ARHGEF37: variants seen among roughly 807,000 people sequenced by gnomAD.
ARHGEF37 encodes Rho guanine nucleotide exchange factor (GEF) 37.
Under a neutral mutation model 71.1 loss-of-function variants are expected in ARHGEF37, and 55 were observed. The ratio of observed to expected loss-of-function variants is 0.77; its 90% CI spans 0.62 to 0.97. The LOEUF is 0.97. Ranked by LOEUF, ARHGEF37 falls within the 50% of genes least tolerant of loss-of-function variation. The pLI, the probability that ARHGEF37 is intolerant of heterozygous loss-of-function variation, is 0.00. For synonymous variants in ARHGEF37, 327 were observed against 350.6 expected, an observed-to-expected ratio of 0.93 and a Z score of 0.75; for missense variants, 765 against 836.8, an observed-to-expected ratio of 0.91 and a Z score of 1.06.
chr5:149,605,763 A>G (rs1480488608), intron 3 of ARHGEF37, among the ~76,000 whole-genome samples: 4 of 152,134 alleles, frequency 2.6e-5, no homozygotes, highest in Non-Finnish European at 4.4e-5. Flanking sequence ...CCTCCATTTT[A>G]CCAAAAACGT....
At chr5:149,589,262 T>C (rs548039741) in intron 1 of ARHGEF37, among the ~76,000 whole-genome samples, 1 of 152,210 alleles carries the variant, frequency 6.6e-6, no homozygotes, top group Non-Finnish European at 1.5e-5. Context: ...GATTAAATAA[T>C]CAGGATGCCC....
At position 149,629,091 on chromosome 5, in the gene ARHGEF37, G is replaced by A. The variant is rs562126527; in HGVS notation, c.1818+125G>A. The stretch of plus-strand genomic sequence containing the variant: ...TGGGGCTGCCACTCTGTGAGACCAA[G>A]GCCTTGATCAATGGCCATGCCAGTG... On this transcript the variant is annotated intron_variant, in intron 12 of 12. Transcript: ENST00000333677. 5 of 1,266,956 alleles carry A rather than the reference G, an allele frequency of 3.9e-6. No homozygotes were observed. The South Asian group carries it at 8.1e-5, about 21-fold the overall frequency. 78.5% of individuals were successfully genotyped at this position (1,266,956 alleles called of 1,614,324 possible). A position where few individuals can be genotyped will look rare whatever the true frequency, so the allele number is the denominator to read the frequency against.
chr5:149,566,605 C>T (rs1762903621), intron 1 of ARHGEF37, among the ~76,000 whole-genome samples: 2 of 151,468 alleles, frequency 1.3e-5, no homozygotes, highest in Admixed American at 6.6e-5. Context: ...ATACCCAGCT[C>T]ACACAAATGA....
Position 149,581,580 on chromosome 5 carries a change from G to T in ARHGEF37, c.-56G>T, listed in dbSNP as rs541643497. ...CCCCGGCTGCGCTGTTGCCCGGGCG[G>T]CCGACCTCCGTGCGTGAGCGCCGGC... is the stretch of plus-strand genomic sequence containing the variant. On this transcript the variant is annotated 5_prime_UTR_variant, in exon 1 of 13. Coordinates refer to ENST00000333677, the MANE Select transcript of ARHGEF37 (RefSeq NM_001001669.3). 6.6e-6 allele frequency: 1 copy of T among 152,230 alleles called. No homozygotes were observed. The highest frequency in any genetic ancestry group is 1.5e-5 in the Non-Finnish European group (1 of 68,020). The allele number at this position is 152,230 out of a possible 1,614,324, so 9.4% of individuals were successfully genotyped here.
chr5:149,598,799 G>A (rs977227676), intron 2 of ARHGEF37, among the ~76,000 whole-genome samples: 1 of 135,280 alleles, frequency 7.4e-6, no homozygotes, highest in Non-Finnish European at 1.6e-5. Context: ...TAGATATATA[G>A]ATATATATAT....
intron 3 of ARHGEF37, among the ~76,000 whole-genome samples, chr5:149,607,745 A>G (rs1490209013): frequency 6.7e-6 from 1 of 148,416 alleles, no homozygotes; most frequent in African/African-American, 2.5e-5. Context: ...GGAGAATTAT[A>G]AAGAAACTTC....
Position 149,618,169 on chromosome 5 carries a change from G to T in ARHGEF37, c.659-7G>T. 6.2e-7 allele frequency: 1 copy of T among 1,614,026 alleles called. No homozygotes were observed. The highest frequency in any genetic ancestry group is 8.5e-7 in the Non-Finnish European group (1 of 1,179,948). ...CACCGTGCTTCCCCTCTTCTCTGTC[G>T]TTGCAGCCTCCAAGTACACCAAGGT... On this transcript the variant is annotated splice_polypyrimidine_tract_variant and splice_region_variant and intron_variant, in intron 5 of 12. Coordinates refer to ENST00000333677, the MANE Select transcript of ARHGEF37 (RefSeq NM_001001669.3).
intron 8 of ARHGEF37, among the ~76,000 whole-genome samples, chr5:149,621,344 G>A (rs1213873882): frequency 6.6e-6 from 1 of 152,046 alleles, no homozygotes; most frequent in African/African-American, 2.4e-5. Flanking sequence ...ATGTGCTAAG[G>A]TGGGAGGATC....
At chr5:149,555,598 A>G (rs1057397691) in intron 1 of ARHGEF37, among the ~76,000 whole-genome samples, 3 of 152,032 alleles carry the variant, frequency 2.0e-5, no homozygotes, top group African/African-American at 7.2e-5. Flanking sequence ...GACAGGCAAG[A>G]ACCACTGTAC....
chr5:149,628,224 G>A (rs1752757794), intron 11 of ARHGEF37, among the ~76,000 whole-genome samples: 2 of 152,154 alleles, frequency 1.3e-5, no homozygotes, highest in South Asian at 2.1e-4. Context: ...GTCTGAGCTC[G>A]GCTGGTTGAA....
intron 1 of ARHGEF37, among the ~76,000 whole-genome samples, chr5:149,582,692 G>A (rs1410855618): frequency 6.6e-6 from 1 of 151,920 alleles, no homozygotes; most frequent in Admixed American, 6.6e-5. Flanking sequence ...TAAAGTGATG[G>A]ATATCCCAAG....
intron 1 of ARHGEF37, among the ~76,000 whole-genome samples, chr5:149,585,941 G>A (rs1763224503): frequency 6.6e-6 from 1 of 152,178 alleles, no homozygotes; most frequent in Admixed American, 6.5e-5. Context: ...AACTCCAGTT[G>A]CAACAATGTC....
At chr5:149,590,989 G>A (rs1763388921) in intron 1 of ARHGEF37, among the ~76,000 whole-genome samples, 1 of 152,186 alleles carries the variant, frequency 6.6e-6, no homozygotes, top group Non-Finnish European at 1.5e-5. Flanking sequence ...TCCTGGTTTT[G>A]ATGTTGTGCT....
intron 10 of ARHGEF37, 167 bp from the exon 11 acceptor site, chr5:149,626,909 G>A (rs1167197812): frequency 1.9e-6 from 1 of 528,146 alleles, no homozygotes; most frequent in East Asian, 3.0e-5. Flanking sequence ...CTAAGAGCCA[G>A]CCATCTGCTA....
intron 4 of ARHGEF37, among the ~76,000 whole-genome samples, chr5:149,616,185 G>T (rs952080990): frequency 5.3e-5 from 8 of 152,140 alleles, no homozygotes; most frequent in Admixed American, 5.2e-4. Flanking sequence ...TTGGAGAGAG[G>T]CCAGCAGAGG....
chr5:149,632,084 C>G lies in ARHGEF37; in HGVS notation c.1921C>G (p.Pro641Ala). 2 of 1,614,234 alleles carry G rather than the reference C, an allele frequency of 1.2e-6. No individual in the cohort carries two copies. The highest frequency in any genetic ancestry group is 1.7e-6 in the Non-Finnish European group (2 of 1,180,052). ...ILEAQDKKGN[P>A]EWSLVEVNGQ... The stretch of plus-strand genomic sequence containing the variant: ...GGAGGCCCAGGACAAGAAGGGGAAC[C>G]CTGAGTGGAGCCTGGTGGAAGTGAA... The change falls in exon 13 of 13, where the codon CCT becomes GCT. Residue 641 changes from proline (P) to alanine (A), a missense_variant. Physicochemically the swap from Pro to Ala is conservative, Grantham distance 27. Transcript: ENST00000333677.
At chr5:149,586,662 C>T (rs181790250) in intron 1 of ARHGEF37, among the ~76,000 whole-genome samples, 3 of 152,344 alleles carry the variant, frequency 2.0e-5, no homozygotes, top group Admixed American at 2.0e-4. Flanking sequence ...GGTTTAGACC[C>T]AGATGGTCTC....
At chr5:149,552,120 C>G (rs1207636555) in exon 1 of ARHGEF37, 1 of 149,476 alleles carries the variant, frequency 6.7e-6, no homozygotes, top group African/African-American at 2.5e-5. Context: ...CAGAAGAAAA[C>G]CTGGTATGTT....
At chr5:149,605,771 C>T (rs986475165) in intron 3 of ARHGEF37, among the ~76,000 whole-genome samples, 2 of 152,148 alleles carry the variant, frequency 1.3e-5, no homozygotes, top group Non-Finnish European at 1.5e-5. Flanking sequence ...TTACCAAAAA[C>T]GTCTCTGAGG....
Sources: allele counts gnomAD v4.1 joint callset (sites outside exome capture counted in the v4.1 genomes callset), GRCh38; gene constraint gnomAD v4.1.1; transcripts MANE v1.5; gene names NCBI Gene and HGNC (gene_info 2026-07-23, HGNC 2026-07-21).